The following ITFG1 variants were observed in gnomAD, a reference collection of about 807,000 sequenced individuals.
The protein encoded by ITFG1 is integrin alpha FG-GAP repeat containing 1.
A neutral mutation model predicts 81.8 loss-of-function variants in ITFG1; 34 were observed. The ratio of observed to expected loss-of-function variants is 0.42; its 90% CI spans 0.32 to 0.55. The LOEUF (loss-of-function observed/expected upper bound fraction) is 0.55. ITFG1 is among the 20% of genes least tolerant of loss of function. ITFG1 has a pLI of 0.17. For missense variants in ITFG1, 672 were observed against 755.4 expected (o/e 0.89, Z 1.29); for synonymous variants, 285 against 270.6 (o/e 1.05, Z -0.52).
At chr16:47,187,510 G>A (rs1965236873) in intron 14 of ITFG1, among the ~76,000 whole-genome samples, 1 of 152,138 alleles carries the variant, frequency 6.6e-6, no homozygotes, top group Non-Finnish European at 1.5e-5. Flanking sequence ...AAGCAATGGG[G>A]AAAGGATTCC....
chr16:47,191,418 C>A (rs1965291432), intron 14 of ITFG1, among the ~76,000 whole-genome samples: 1 of 150,762 alleles, frequency 6.6e-6, no homozygotes. Flanking sequence ...ATTTTTAGTT[C>A]ATCAGCTGTC....
chr16:47,292,366 C>T (rs190491056), intron 10 of ITFG1, among the ~76,000 whole-genome samples: 13 of 152,170 alleles, frequency 8.5e-5, no homozygotes, highest in African/African-American at 2.9e-4. Flanking sequence ...TCTCTGTATT[C>T]GATGAAATAA....
At position 47,388,731 on chromosome 16, in the gene ITFG1, T is replaced by C. The variant is rs1486032735; in HGVS notation, c.656-12791A>G. 2.0e-5 allele frequency among the ~76,000 whole-genome samples: 3 copies of C among 152,200 alleles called. No individual in the cohort carries two copies. The East Asian group carries it at 5.8e-4, about 29-fold the overall frequency. On this transcript the variant is annotated intron_variant, in intron 6 of 17. Transcript: ENST00000320640. ...GAAATCAACTATAACCTAATAGTAG[T>C]AGTAACAGAAATTTTAAAATCCTCT...
chr16:47,457,480 T>C (rs778924277), intron 2 of ITFG1, among the ~76,000 whole-genome samples: 25 of 152,110 alleles, frequency 1.6e-4, no homozygotes, highest in Non-Finnish European at 3.5e-4. Flanking sequence ...AAAACAAGAA[T>C]TGAATATTTA....
intron 10 of ITFG1, among the ~76,000 whole-genome samples, chr16:47,284,847 C>T (rs1049184607): frequency 2.0e-5 from 3 of 152,114 alleles, no homozygotes; most frequent in Non-Finnish European, 4.4e-5. Flanking sequence ...AAACCCAAAG[C>T]TTGTATAATT....
chr16:47,322,500 C>T (rs965599897), intron 8 of ITFG1, among the ~76,000 whole-genome samples: 1 of 152,102 alleles, frequency 6.6e-6, no homozygotes, highest in East Asian at 1.9e-4. Flanking sequence ...ACCAGCCTGG[C>T]CAACATGGCA....
chr16:47,299,765 G>A (rs1027874069), intron 10 of ITFG1: 1 of 152,266 alleles, frequency 6.6e-6, no homozygotes, highest in African/African-American at 2.4e-5. Flanking sequence ...CAAATCACAA[G>A]CAGTTTGTCT....
At chr16:47,451,509 A>C (rs374523232) in intron 4 of ITFG1, 39 bp from the exon 5 acceptor site, 2 of 1,086,826 alleles carry the variant, frequency 1.8e-6, no homozygotes, top group Admixed American at 3.8e-5. Flanking sequence ...TATTTCTTTA[A>C]ATTCTTACTT....
At position 47,182,426 on chromosome 16, in the gene ITFG1, T is replaced by A. The variant is rs186510591; in HGVS notation, c.1454-19762A>T. ...AAAATATGGTATTATGGGAAACACA[T>A]GGGATTTGAATGCCAAAAGTATGTA... On this transcript the variant is annotated intron_variant, in intron 14 of 17. Coordinates refer to ENST00000320640, the MANE Select transcript of ITFG1 (RefSeq NM_030790.5). 3.8e-3 allele frequency among the ~76,000 whole-genome samples: 570 copies of A among 151,986 alleles called. 1 individual carries two copies. Among genetic ancestry groups the A allele is most frequent in the Non-Finnish European group, 5.5e-3 (374 of 67,968 alleles).
chr16:47,167,171 A>G (rs1300929172), intron 14 of ITFG1, among the ~76,000 whole-genome samples: 1 of 152,188 alleles, frequency 6.6e-6, no homozygotes, highest in Non-Finnish European at 1.5e-5. Context: ...TATAGAAGGT[A>G]CCATACATGT....
intron 6 of ITFG1, among the ~76,000 whole-genome samples, chr16:47,382,624 C>T (rs926529929): frequency 1.6e-5 from 2 of 126,634 alleles, no homozygotes; most frequent in African/African-American, 6.3e-5. Flanking sequence ...TGTCTTCCGT[C>T]GTCAGTGAAA....
intron 5 of ITFG1, among the ~76,000 whole-genome samples, chr16:47,433,856 GA>G (rs2151611368): frequency 2.7e-5 from 1 of 37,474 alleles, no homozygotes; most frequent in African/African-American, 8.4e-5. Flanking sequence ...AATAAAAACT[GA>G]ATATATATAT....
At chr16:47,459,311 CA>C (rs1259474403) in intron 1 of ITFG1, 136 bp from the exon 2 acceptor site, 6 of 626,114 alleles carry the variant, frequency 9.6e-6, no homozygotes, top group African/African-American at 1.8e-5. Context: ...CCCTCTCAAG[CA>C]TAGTCCCACT....
chr16:47,437,763 C>T (rs1237259469), intron 5 of ITFG1, among the ~76,000 whole-genome samples: 2 of 152,236 alleles, frequency 1.3e-5, no homozygotes, highest in Non-Finnish European at 2.9e-5. Flanking sequence ...ACAGCTCCCA[C>T]TGTGAGTGAC....
chr16:47,393,961 A>C (rs933768627), intron 6 of ITFG1, among the ~76,000 whole-genome samples: 3 of 152,150 alleles, frequency 2.0e-5, no homozygotes, highest in Non-Finnish European at 4.4e-5. Flanking sequence ...ATAGGTTAGG[A>C]CTCATCCTAA....
chr16:47,221,334 G>T (rs569869023), intron 13 of ITFG1, among the ~76,000 whole-genome samples: 1 of 152,272 alleles, frequency 6.6e-6, no homozygotes, highest in African/African-American at 2.4e-5. Flanking sequence ...TGCATCTATT[G>T]AGATAATCAT....
chr16:47,457,914 G>C (rs975875329), intron 2 of ITFG1, among the ~76,000 whole-genome samples: 1 of 152,114 alleles, frequency 6.6e-6, no homozygotes, highest in Non-Finnish European at 1.5e-5. Context: ...ATAAGTTCCT[G>C]TTTATCCATT....
At chr16:47,373,136 T>C (rs1352983415) in intron 7 of ITFG1, among the ~76,000 whole-genome samples, 5 of 152,196 alleles carry the variant, frequency 3.3e-5, no homozygotes, top group African/African-American at 1.2e-4. Context: ...AATATCTCTT[T>C]CATGTTCTGG....
At chr16:47,199,439 T>C (rs567060882) in intron 14 of ITFG1, among the ~76,000 whole-genome samples, 1 of 152,374 alleles carries the variant, frequency 6.6e-6, no homozygotes, top group South Asian at 2.1e-4. Context: ...TCATGGTAAG[T>C]GTGGTAACAT....
Sources: allele counts gnomAD v4.1 joint callset (sites outside exome capture counted in the v4.1 genomes callset), GRCh38; gene constraint gnomAD v4.1.1; transcripts MANE v1.5; gene names NCBI Gene and HGNC (gene_info 2026-07-23, HGNC 2026-07-21).